The following TMEM268 variants were observed in gnomAD, a reference collection of about 807,000 sequenced individuals.
The protein encoded by TMEM268 is transmembrane protein C9orf91.
Under a neutral mutation model 39.1 loss-of-function variants are expected in TMEM268, and 24 were observed. The observed-to-expected ratio is 0.61, with a 90% CI of 0.44 to 0.86. TMEM268 has a LOEUF of 0.86. TMEM268 is among the 40% of genes least tolerant of loss of function. The pLI, the probability that TMEM268 is intolerant of heterozygous loss-of-function variation, is 0.00. For synonymous variants in TMEM268, 176 were observed against 173.5 expected (o/e 1.01, Z -0.12); for missense variants, 409 against 428.6 (o/e 0.95, Z 0.40).
rs374391494 is a variant in TMEM268, at chr9:114,642,701, A to G, written c.850-433A>G. On this transcript the variant is annotated intron_variant, in intron 8 of 8. Transcript: ENST00000288502. ...TCGCTCTGTTGCCCAGGCTGGTCTC[A>G]AACTCCTGACCTCAAGTGATCTTCC... Among the ~76,000 whole-genome samples the G allele has an allele frequency of 1.4e-4, 22 of 152,102 alleles. 1 individual carries two copies. In the East Asian group the frequency reaches 2.9e-3, roughly 20 times the overall value.
chr9:114,624,984 A>G (rs1174713879), intron 3 of TMEM268, among the ~76,000 whole-genome samples: 1 of 152,212 alleles, frequency 6.6e-6, no homozygotes. Context: ...TATACAAGGG[A>G]AAGTCCATAT....
At chr9:114,603,982 G>A in the TMEM268 span, among the ~76,000 whole-genome samples, 1 of 151,608 alleles carries the variant, frequency 6.6e-6, no homozygotes, top group Non-Finnish European at 1.5e-5. Context: ...CTAGTTGTAA[G>A]AACTTTTACA....
At chr9:114,618,119 C>T (rs145696565) in intron 2 of TMEM268, among the ~76,000 whole-genome samples, 1,641 of 152,130 alleles carry the variant, frequency 0.011, 12 homozygotes, top group Non-Finnish European at 0.018. Flanking sequence ...TCAGGTGATC[C>T]GCCCACCTTG....
chr9:114,621,190 A>T (rs1450727410), intron 2 of TMEM268, among the ~76,000 whole-genome samples: 1 of 151,884 alleles, frequency 6.6e-6, no homozygotes, highest in Non-Finnish European at 1.5e-5. Flanking sequence ...AAAATTAAAA[A>T]AAAAATTAGC....
At chr9:114,622,070 A>G (rs1196694786) in intron 2 of TMEM268, 2 of 985,246 alleles carry the variant, frequency 2.0e-6, no homozygotes, top group Non-Finnish European at 2.4e-6. Context: ...CCAGGAGGGC[A>G]CAGAGTGGAC....
chr9:114,616,735 C>T (rs962848988), intron 1 of TMEM268, among the ~76,000 whole-genome samples: 2 of 151,632 alleles, frequency 1.3e-5, no homozygotes, highest in Non-Finnish European at 2.9e-5. Context: ...TGTGTGTAAA[C>T]AAGACTCCCT....
At chr9:114,629,909 T>A (rs560477555) in intron 5 of TMEM268, among the ~76,000 whole-genome samples, 43 of 152,272 alleles carry the variant, frequency 2.8e-4, no homozygotes, top group Non-Finnish European at 5.0e-4. Flanking sequence ...GCCCTTGGGG[T>A]CTGTTGAAGC....
At chr9:114,636,163 C>T (rs530887637) in intron 6 of TMEM268, among the ~76,000 whole-genome samples, 5 of 152,218 alleles carry the variant, frequency 3.3e-5, no homozygotes, top group African/African-American at 7.2e-5. Flanking sequence ...GACAGGTTGT[C>T]GTAATGTGAA....
At chr9:114,629,082 T>C (rs991104971) in intron 5 of TMEM268, among the ~76,000 whole-genome samples, 2 of 152,226 alleles carry the variant, frequency 1.3e-5, no homozygotes, top group African/African-American at 2.4e-5. Context: ...TGCTAATAAA[T>C]GCCAGAGTTG....
intron 1 of TMEM268, among the ~76,000 whole-genome samples, chr9:114,613,064 C>T (rs980690727): frequency 6.6e-6 from 1 of 152,174 alleles, no homozygotes; most frequent in Non-Finnish European, 1.5e-5. Context: ...CTGTCGTTAT[C>T]CCCACTTACA....
At chr9:114,606,294 T>C (rs1845364680), upstream of TMEM268, among the ~76,000 whole-genome samples, 2 of 152,124 alleles carry the variant, frequency 1.3e-5, no homozygotes, top group South Asian at 4.1e-4. Context: ...ATTCAGAGGA[T>C]TTTTTCTTCT....
At chr9:114,609,312 A>AAAACAAAC (rs200839078), upstream of TMEM268, among the ~76,000 whole-genome samples, 1,060 of 150,034 alleles carry the variant, frequency 7.1e-3, 13 homozygotes, top group African/African-American at 0.021. Flanking sequence ...CCCCATCTCA[A>AAAACAAAC]AAACAAACAA....
intron 2 of TMEM268, among the ~76,000 whole-genome samples, chr9:114,620,146 C>T (rs755121670): frequency 1.3e-5 from 2 of 152,090 alleles, no homozygotes; most frequent in East Asian, 1.9e-4. Context: ...ACCTGGGAGG[C>T]GGAGGTTGCA....
intron 2 of TMEM268, chr9:114,622,536 G>C: frequency 1.0e-6 from 1 of 981,392 alleles, no homozygotes; most frequent in Non-Finnish European, 1.2e-6. Flanking sequence ...ATTCCTCCCT[G>C]GTCTTGAGGG....
At chr9:114,635,337 G>A (rs913696500) in intron 6 of TMEM268, among the ~76,000 whole-genome samples, 4 of 147,228 alleles carry the variant, frequency 2.7e-5, no homozygotes, top group Non-Finnish European at 4.5e-5. Context: ...GCAACAGAGC[G>A]AGACTCCATC....
chr9:114,608,234 T>C (rs187968441), upstream of TMEM268, among the ~76,000 whole-genome samples: 2 of 152,330 alleles, frequency 1.3e-5, no homozygotes, highest in Admixed American at 1.3e-4. Flanking sequence ...CACCACACTT[T>C]TACTGAGCAT....
At chr9:114,609,611 A>C (rs566471169), upstream of TMEM268, among the ~76,000 whole-genome samples, 11 of 151,642 alleles carry the variant, frequency 7.3e-5, no homozygotes, top group Non-Finnish European at 1.3e-4. Flanking sequence ...CTTGAGCCTG[A>C]GAGGAGAGGC....
chr9:114,635,830 T>C (rs1413802876), intron 6 of TMEM268, among the ~76,000 whole-genome samples: 1 of 151,896 alleles, frequency 6.6e-6, no homozygotes, highest in East Asian at 1.9e-4. Context: ...GGGTACCGAG[T>C]GAGGATGGAG....
rs561517314 is a variant in TMEM268, at chr9:114,643,136, A to G, written c.852A>G (p.Glu284=). Residue 284 remains glutamate (E), a splice_region_variant and synonymous_variant, in exon 9 of 9, where the codon GAA becomes GAG. Transcript: ENST00000288502. The part of the protein sequence containing the change: ...HQLVPEAEPE[E]MARQLLAVFG... Reference sequence around the variant, plus strand: ...ATCTGCTTCCCTGCCTCTTCTAGGAAATGGCCCGCCAGCTGCTGGCAGTGT... The same window carrying G: ...ATCTGCTTCCCTGCCTCTTCTAGGAGATGGCCCGCCAGCTGCTGGCAGTGT... 2 of 1,614,018 alleles carry G rather than the reference A, an allele frequency of 1.2e-6. No individual in the cohort carries two copies. Among genetic ancestry groups the G allele is most frequent in the South Asian group, 1.1e-5 (1 of 91,074 alleles).
Sources: allele counts gnomAD v4.1 joint callset (sites outside exome capture counted in the v4.1 genomes callset), GRCh38; gene constraint gnomAD v4.1.1; transcripts MANE v1.5; gene names NCBI Gene and HGNC (gene_info 2026-07-23, HGNC 2026-07-21).